The following PDE4B variants were observed in gnomAD, a reference collection of about 807,000 sequenced individuals.
The protein encoded by PDE4B is phosphodiesterase 4B.
A neutral mutation model predicts 82.2 loss-of-function variants in PDE4B; 20 were observed. The observed-to-expected ratio is 0.24, with a 90% CI of 0.17 to 0.35. The LOEUF is 0.35. PDE4B is among the 10% of genes least tolerant of loss of function. The probability of loss-of-function intolerance (pLI) is 1.00; values close to 1 mark genes in which losing one functional copy is unlikely to be tolerated. For synonymous variants in PDE4B, 320 were observed against 318.9 expected, an observed-to-expected ratio of 1.00 and a Z score of -0.04; for missense variants, 655 against 907.2, an observed-to-expected ratio of 0.72 and a Z score of 3.57.
intron 3 of PDE4B, among the ~76,000 whole-genome samples, chr1:66,179,540 C>T (rs767909052): frequency 6.6e-6 from 1 of 152,112 alleles, no homozygotes; most frequent in Non-Finnish European, 1.5e-5. Context: ...ATAATAAATA[C>T]TCAGTCAATA....
intron 7 of PDE4B, among the ~76,000 whole-genome samples, chr1:66,331,428 G>T (rs895966814): frequency 5.3e-5 from 8 of 152,078 alleles, no homozygotes; most frequent in African/African-American, 1.9e-4. Context: ...TTATTTCAGT[G>T]CTTATTAAGA....
At chr1:66,073,140 A>G (rs935208062) in intron 3 of PDE4B, among the ~76,000 whole-genome samples, 5 of 151,962 alleles carry the variant, frequency 3.3e-5, no homozygotes, top group African/African-American at 1.2e-4. Flanking sequence ...TCTCTGGGAC[A>G]GGGATTGTGT....
chr1:65,973,445 G>A (rs531923196), intron 3 of PDE4B, among the ~76,000 whole-genome samples: 2 of 152,208 alleles, frequency 1.3e-5, no homozygotes, highest in Admixed American at 6.5e-5. Context: ...GTATTTTTCA[G>A]CTTTGAATCT....
chr1:65,907,269 T>G (rs1647037282), intron 1 of PDE4B, among the ~76,000 whole-genome samples: 1 of 152,126 alleles, frequency 6.6e-6, no homozygotes, highest in Admixed American at 6.6e-5. Context: ...AGATGCAAAT[T>G]AAGGGGGAAA....
chr1:65,920,904 A>G (rs1647224609), intron 3 of PDE4B, among the ~76,000 whole-genome samples: 1 of 151,360 alleles, frequency 6.6e-6, no homozygotes, highest in African/African-American at 2.4e-5. Flanking sequence ...GTATGAGAAT[A>G]GAGTATGCAG....
intron 3 of PDE4B, among the ~76,000 whole-genome samples, chr1:66,083,294 A>G (rs907832574): frequency 7.9e-5 from 12 of 152,092 alleles, no homozygotes; most frequent in African/African-American, 2.9e-4. Context: ...ACCCACCATC[A>G]GTCCCCAGCC....
At chr1:66,253,402 G>A (rs947878346) in intron 4 of PDE4B, among the ~76,000 whole-genome samples, 3 of 152,182 alleles carry the variant, frequency 2.0e-5, no homozygotes, top group African/African-American at 7.2e-5. Flanking sequence ...TCATTTTATT[G>A]TTTAGAGCAG....
intron 3 of PDE4B, among the ~76,000 whole-genome samples, chr1:66,063,654 G>T (rs1318351292): frequency 1.3e-5 from 2 of 151,796 alleles, no homozygotes; most frequent in African/African-American, 4.8e-5. Context: ...CAACAGTTAG[G>T]GAACTGTTGT....
intron 3 of PDE4B, among the ~76,000 whole-genome samples, chr1:65,965,112 G>A (rs1649745254): frequency 6.6e-6 from 1 of 152,024 alleles, no homozygotes; most frequent in African/African-American, 2.4e-5. Context: ...ATGGTGTAGG[G>A]TCCTGTAATT....
At chr1:65,881,379 G>A (rs1335774035) in intron 1 of PDE4B, among the ~76,000 whole-genome samples, 1 of 152,118 alleles carries the variant, frequency 6.6e-6, no homozygotes, top group Non-Finnish European at 1.5e-5. Context: ...CAGCCATGGG[G>A]TTCATTGTGA....
At chr1:65,942,575 C>A (rs1475410060) in intron 3 of PDE4B, among the ~76,000 whole-genome samples, 1 of 151,922 alleles carries the variant, frequency 6.6e-6, no homozygotes, top group African/African-American at 2.4e-5. Flanking sequence ...TATGGTAGCT[C>A]TATTTTTAAG....
intron 6 of PDE4B, among the ~76,000 whole-genome samples, chr1:66,265,176 T>C (rs929587034): frequency 3.9e-5 from 6 of 152,132 alleles, no homozygotes; most frequent in African/African-American, 1.4e-4. Context: ...TCAGCAACTC[T>C]GGGGGTAGGG....
intron 3 of PDE4B, among the ~76,000 whole-genome samples, chr1:66,214,641 A>G (rs1650315551): frequency 6.6e-6 from 1 of 152,130 alleles, no homozygotes; most frequent in Non-Finnish European, 1.5e-5. Context: ...TTTTTTTAAC[A>G]TTAACTTTAT....
chr1:65,901,513 G>A (rs913456578), intron 1 of PDE4B, among the ~76,000 whole-genome samples: 3 of 152,062 alleles, frequency 2.0e-5, no homozygotes, highest in African/African-American at 7.2e-5. Flanking sequence ...ATTTGTCTGT[G>A]AGTCCATCTG....
chr1:66,369,900 C>T (rs1048899842), intron 16 of PDE4B, among the ~76,000 whole-genome samples: 5 of 151,982 alleles, frequency 3.3e-5, no homozygotes, highest in Non-Finnish European at 5.9e-5. Context: ...TGTAATCCAG[C>T]ACTTTGGGAG....
At chr1:65,936,917 A>G (rs1648178342) in intron 3 of PDE4B, among the ~76,000 whole-genome samples, 1 of 152,216 alleles carries the variant, frequency 6.6e-6, no homozygotes. Context: ...CCTAGGTTTT[A>G]GATAACAGCA....
chr1:66,220,000 A>G (rs1650840565), intron 3 of PDE4B, among the ~76,000 whole-genome samples: 1 of 152,202 alleles, frequency 6.6e-6, no homozygotes, highest in South Asian at 2.1e-4. Context: ...GACAATGTAT[A>G]AAACTAGAAG....
chr1:66,043,560 C>T (rs187183557), intron 3 of PDE4B, among the ~76,000 whole-genome samples: 7 of 151,840 alleles, frequency 4.6e-5, no homozygotes, highest in Admixed American at 6.6e-5. Context: ...GCTGCTCTTT[C>T]GGGGGTTTCT....
At chr1:66,238,617 T>A (rs1652647542) in intron 3 of PDE4B, among the ~76,000 whole-genome samples, 1 of 152,078 alleles carries the variant, frequency 6.6e-6, no homozygotes, top group Admixed American at 6.5e-5. Context: ...TAGGACCTGT[T>A]GGTCAACTGA....
Sources: gnomAD v4.1 joint callset for allele counts (sites outside exome capture counted in the v4.1 genomes callset) on GRCh38, gnomAD v4.1.1 for gene constraint, MANE v1.5 for transcripts, NCBI Gene and HGNC (gene_info 2026-07-23, HGNC 2026-07-21) for gene names.